PPP1R16B: variants seen among roughly 807,000 people sequenced by gnomAD.
PPP1R16B encodes protein phosphatase 1 regulatory inhibitor subunit 16B.
PPP1R16B carries 14 observed loss-of-function variants against 61.7 expected under a neutral mutation model. The ratio of observed to expected loss-of-function variants is 0.23; its 90% confidence interval spans 0.15 to 0.35. PPP1R16B has a LOEUF of 0.35. Among genes scored for constraint, PPP1R16B ranks in the 10% least tolerant of loss-of-function variants. The probability of loss-of-function intolerance (pLI) is 1.00; values close to 1 mark genes in which losing one functional copy is unlikely to be tolerated. For synonymous variants in PPP1R16B, 266 were observed against 305.3 expected (o/e 0.87, Z 1.34); for missense variants, 547 against 752.5 (o/e 0.73, Z 3.19).
chr20:38,916,944 T>C (rs2085546303), intron 10 of PPP1R16B, among the ~76,000 whole-genome samples: 1 of 151,860 alleles, frequency 6.6e-6, no homozygotes, highest in South Asian at 2.1e-4. Flanking sequence ...TATATTTTGC[T>C]GTGGGCTACA....
chr20:38,863,400 G>A (rs753453328), intron 2 of PPP1R16B, among the ~76,000 whole-genome samples: 1 of 152,210 alleles, frequency 6.6e-6, no homozygotes, highest in Non-Finnish European at 1.5e-5. Flanking sequence ...CCCCTGCAGA[G>A]CCCAGGACCA....
intron 10 of PPP1R16B, among the ~76,000 whole-genome samples, chr20:38,908,469 G>A (rs1291132248): frequency 1.3e-5 from 2 of 152,246 alleles, no homozygotes; most frequent in African/African-American, 4.8e-5. Context: ...CTAATTGACA[G>A]GGGGTGAGTG....
intron 2 of PPP1R16B, among the ~76,000 whole-genome samples, chr20:38,849,875 G>A (rs1601254915): frequency 6.6e-6 from 1 of 152,250 alleles, no homozygotes; most frequent in South Asian, 2.1e-4. Flanking sequence ...GTCAAGCGCT[G>A]CATTTATCTT....
intron 3 of PPP1R16B, 42 bp downstream of exon 3, chr20:38,889,707 C>A (rs1462263230): frequency 6.6e-7 from 1 of 1,513,364 alleles, no homozygotes. Flanking sequence ...CCCTGCCCCT[C>A]ACCTGGACAG....
chr20:38,875,437 A>G (rs955459661), intron 2 of PPP1R16B, among the ~76,000 whole-genome samples: 11 of 152,188 alleles, frequency 7.2e-5, no homozygotes, highest in African/African-American at 2.7e-4. Flanking sequence ...AAGTCACAGG[A>G]GATTGTGCAG....
chr20:38,839,489 C>T (rs1033020471), intron 2 of PPP1R16B, among the ~76,000 whole-genome samples: 1 of 152,080 alleles, frequency 6.6e-6, no homozygotes, highest in African/African-American at 2.4e-5. Context: ...CCCTCCCTTC[C>T]TCCCTCTCTC....
At chr20:38,831,092 T>G (rs1288505933) in intron 1 of PPP1R16B, among the ~76,000 whole-genome samples, 3 of 152,212 alleles carry the variant, frequency 2.0e-5, no homozygotes, top group Non-Finnish European at 4.4e-5. Flanking sequence ...TGCCACCTCC[T>G]GAGACAGCCA....
rs79340928 is a variant in PPP1R16B at position 38,860,560 on chromosome 20, G to A, written c.250+24385G>A. On this transcript the variant is annotated intron_variant, in intron 2 of 10. Transcript: ENST00000299824. ...CTCATTCAGGTTGGAGGTGGAGATT[G>A]CAGGGGAGGGATCTGCAGGCCAGAT... is the stretch of plus-strand genomic sequence containing the variant. Among the ~76,000 whole-genome samples the A allele has an allele frequency of 4.7e-4, 72 of 152,358 alleles. 1 individual carries two copies. The East Asian group carries it at 0.013, about 28-fold the overall frequency.
At chr20:38,899,955 C>A (rs2085378969) in intron 4 of PPP1R16B, among the ~76,000 whole-genome samples, 1 of 152,106 alleles carries the variant, frequency 6.6e-6, no homozygotes, top group Admixed American at 6.5e-5. Context: ...CACACCACGC[C>A]CCGCTAATTT....
intron 2 of PPP1R16B, among the ~76,000 whole-genome samples, chr20:38,877,968 T>G (rs995752507): frequency 6.7e-5 from 10 of 149,100 alleles, no homozygotes; most frequent in African/African-American, 1.5e-4. Flanking sequence ...TTTTTTTTTT[T>G]TTTTTTTTTT....
intron 4 of PPP1R16B, among the ~76,000 whole-genome samples, chr20:38,897,327 A>G (rs1295157539): frequency 6.6e-6 from 1 of 152,162 alleles, no homozygotes; most frequent in Non-Finnish European, 1.5e-5. Context: ...ACACCATCTT[A>G]AAAAAACAAG....
chr20:38,907,176 A>G lies in PPP1R16B; in HGVS notation c.898+122A>G. 7.9e-6 allele frequency: 6 copies of G among 755,616 alleles called. 1 individual carries two copies. The South Asian group carries it at 1.0e-4, about 13-fold the overall frequency. 46.8% of individuals were successfully genotyped at this position (755,616 alleles called of 1,614,324 possible). A position where few individuals can be genotyped will look rare whatever the true frequency, so the allele number is the denominator to read the frequency against. On this transcript the variant is annotated intron_variant, in intron 8 of 10. Coordinates refer to ENST00000299824, the MANE Select transcript of PPP1R16B (RefSeq NM_015568.4). The surrounding 1 kb of genome is among the most constrained non-coding windows in gnomAD (Gnocchi z 4.5). ...GATGGATTGGTGTCTAGATAGATAG[A>G]TGGATTAATTAATGGATGGTAGATG...
intron 1 of PPP1R16B, among the ~76,000 whole-genome samples, chr20:38,809,453 A>G (rs1308559661): frequency 1.3e-5 from 2 of 152,160 alleles, no homozygotes; most frequent in Non-Finnish European, 2.9e-5. Flanking sequence ...TTCTCCCTCT[A>G]TGGGGAGAGG....
At chr20:38,858,382 C>A (rs192834774) in intron 2 of PPP1R16B, among the ~76,000 whole-genome samples, 307 of 152,094 alleles carry the variant, frequency 2.0e-3, no homozygotes, top group African/African-American at 7.3e-3. Flanking sequence ...CTCAAAAGCT[C>A]GAAGCCCATT....
chr20:38,873,242 G>T (rs1372075492), intron 2 of PPP1R16B, among the ~76,000 whole-genome samples: 1 of 152,162 alleles, frequency 6.6e-6, no homozygotes, highest in Non-Finnish European at 1.5e-5. Context: ...GTTCAGCAAA[G>T]AATTTCCCTG....
At chr20:38,844,407 G>A (rs1169017102) in intron 2 of PPP1R16B, among the ~76,000 whole-genome samples, 1 of 152,204 alleles carries the variant, frequency 6.6e-6, no homozygotes, top group Non-Finnish European at 1.5e-5. Flanking sequence ...AACACTGCCT[G>A]TTAAATACTC....
intron 6 of PPP1R16B, among the ~76,000 whole-genome samples, chr20:38,903,451 G>A (rs528249375): frequency 1.8e-4 from 28 of 152,084 alleles, no homozygotes; most frequent in Non-Finnish European, 3.7e-4. Context: ...TGATATTACT[G>A]CAACAGCCTC....
At chr20:38,865,162 G>C in intron 2 of PPP1R16B, among the ~76,000 whole-genome samples, 1 of 152,138 alleles carries the variant, frequency 6.6e-6, no homozygotes, top group East Asian at 1.9e-4. Flanking sequence ...GAGGGAACTG[G>C]AAGGAGAAAT....
intron 2 of PPP1R16B, among the ~76,000 whole-genome samples, chr20:38,881,064 C>T (rs1003751064): frequency 2.0e-5 from 3 of 152,162 alleles, no homozygotes; most frequent in Non-Finnish European, 4.4e-5. Flanking sequence ...AGGCTTGGTC[C>T]TGGGGATGTG....
Sources: allele counts gnomAD v4.1 joint callset (sites outside exome capture counted in the v4.1 genomes callset), GRCh38; gene constraint gnomAD v4.1.1; non-coding constraint Gnocchi (gnomAD v3.1); transcripts MANE v1.5; gene names NCBI Gene and HGNC (gene_info 2026-07-23, HGNC 2026-07-21).